The following HS3ST4 variants were observed in gnomAD, a reference collection of about 807,000 sequenced individuals.
HS3ST4 encodes heparan sulfate-glucosamine 3-sulfotransferase 4.
HS3ST4 carries 17 observed loss-of-function variants against 29.2 expected under a neutral mutation model. The observed-to-expected ratio is 0.58, with a 90% CI of 0.40 to 0.87. The LOEUF (loss-of-function observed/expected upper bound fraction) is 0.87. HS3ST4 is among the 40% of genes least tolerant of loss of function. The pLI is 0.00. For missense variants in HS3ST4, 627 were observed against 634.5 expected (o/e 0.99, Z 0.13); for synonymous variants, 314 against 285.7 (o/e 1.10, Z -1.00).
chr16:25,737,642 A>G (rs947107915), intron 1 of HS3ST4, among the ~76,000 whole-genome samples: 1 of 152,202 alleles, frequency 6.6e-6, no homozygotes, highest in African/African-American at 2.4e-5. Flanking sequence ...TACAATGTAC[A>G]TTACTTGAGT....
At chr16:26,019,965 A>AGTGATTT (rs1416773990) in intron 1 of HS3ST4, among the ~76,000 whole-genome samples, 1 of 152,144 alleles carries the variant, frequency 6.6e-6, no homozygotes, top group Non-Finnish European at 1.5e-5. Context: ...CTCTCCAGCG[A>AGTGATTT]GTGATTTAAT....
chr16:26,073,117 C>A (rs1898619810), intron 1 of HS3ST4, among the ~76,000 whole-genome samples: 1 of 152,138 alleles, frequency 6.6e-6, no homozygotes, highest in African/African-American at 2.4e-5. Flanking sequence ...TTTTCAGTTT[C>A]TTTAATCAAC....
rs1318586443 is a variant in HS3ST4 at position 26,135,845 on chromosome 16, T to C, written c.968T>C (p.Leu323Pro). 1 of 1,613,906 alleles carries C rather than the reference T, an allele frequency of 6.2e-7. No individual in the cohort carries two copies. The highest frequency in any genetic ancestry group is 2.2e-5 in the East Asian group (1 of 44,882). Reference protein sequence around the residue: ...VLAFKNRTLGLIDASWSAIRI... With the variant: ...VLAFKNRTLGPIDASWSAIRI... ...GCCTTCAAAAACCGGACCCTCGGGC[T>C]GATCGATGCTTCCTGGAGTGCCATT... is the stretch of plus-strand genomic sequence containing the variant. Residue 323 changes from leucine (L) to proline (P), a missense_variant, in exon 2 of 2, where the codon CTG becomes CCG. Leu to Pro is a moderately conservative substitution (Grantham distance 98, BLOSUM62 -3). Around this residue, in one of 2 missense-constraint regions of HS3ST4, gnomAD observed 225 missense variants for 293.7 expected, o/e 0.77. Coordinates refer to ENST00000331351, the MANE Select transcript of HS3ST4 (RefSeq NM_006040.3).
At chr16:26,042,604 C>T (rs979405135) in intron 1 of HS3ST4, among the ~76,000 whole-genome samples, 40 of 152,226 alleles carry the variant, frequency 2.6e-4, no homozygotes, top group Non-Finnish European at 4.9e-4. Context: ...AATTTACTTA[C>T]TGTTTTCCTC....
chr16:26,024,726 C>T (rs1969450446), intron 1 of HS3ST4, among the ~76,000 whole-genome samples: 1 of 152,060 alleles, frequency 6.6e-6, no homozygotes, highest in Non-Finnish European at 1.5e-5. Flanking sequence ...AAGCAAGACT[C>T]CATCTCAAAA....
Position 25,927,081 on chromosome 16 carries a change from A to G in HS3ST4, c.735-208531A>G, listed in dbSNP as rs142001344. ...CCGTCTAAAAGAAAAAAAAAAGAAT[A>G]CTTTAAGGTCTTTGACTAACTTAGT... On this transcript the variant is annotated intron_variant, in intron 1 of 1. Coordinates refer to ENST00000331351, the MANE Select transcript of HS3ST4 (RefSeq NM_006040.3). Among the ~76,000 whole-genome samples the G allele has an allele frequency of 4.4e-3, 672 of 152,126 alleles. 10 individuals carry two copies. The highest frequency in any genetic ancestry group is 0.016 in the African/African-American group (657 of 41,462).
chr16:25,901,056 G>A (rs895374463), intron 1 of HS3ST4, among the ~76,000 whole-genome samples: 4 of 152,146 alleles, frequency 2.6e-5, no homozygotes, highest in Non-Finnish European at 4.4e-5. Flanking sequence ...AATGACCTGT[G>A]TGGTATTAGG....
chr16:26,066,703 G>T (rs1211362159), intron 1 of HS3ST4, among the ~76,000 whole-genome samples: 8 of 152,214 alleles, frequency 5.3e-5, no homozygotes, highest in Non-Finnish European at 5.9e-5. Context: ...GTGCAGAAGA[G>T]CAGGTAGAAT....
chr16:25,767,665 A>G (rs1966828865), intron 1 of HS3ST4, among the ~76,000 whole-genome samples: 2 of 152,144 alleles, frequency 1.3e-5, no homozygotes, highest in Non-Finnish European at 2.9e-5. Context: ...TCTCTGGATT[A>G]TGGCAGTTTC....
intron 1 of HS3ST4, among the ~76,000 whole-genome samples, chr16:25,959,646 C>T (rs907083496): frequency 6.6e-6 from 1 of 152,136 alleles, no homozygotes. Context: ...ACACAGAAAG[C>T]GTACATCTCT....
chr16:25,978,609 A>G (rs1968968968), intron 1 of HS3ST4, among the ~76,000 whole-genome samples: 1 of 152,248 alleles, frequency 6.6e-6, no homozygotes, highest in Non-Finnish European at 1.5e-5. Flanking sequence ...TTGGCCAAGT[A>G]GGTGATCTGG....
intron 1 of HS3ST4, among the ~76,000 whole-genome samples, chr16:26,014,362 G>T (rs2141742345): frequency 1.3e-5 from 2 of 152,194 alleles, no homozygotes; most frequent in Middle Eastern, 6.8e-3. Context: ...TTTTATTTTA[G>T]GTTCAAGGTA....
At chr16:25,938,908 A>G (rs1050145969) in intron 1 of HS3ST4, among the ~76,000 whole-genome samples, 1 of 152,180 alleles carries the variant, frequency 6.6e-6, no homozygotes, top group African/African-American at 2.4e-5. Context: ...CTGTTGGCTT[A>G]TACCCCCTTT....
At chr16:26,098,390 A>G (rs1193760096) in intron 1 of HS3ST4, among the ~76,000 whole-genome samples, 1 of 152,192 alleles carries the variant, frequency 6.6e-6, no homozygotes, top group Admixed American at 6.5e-5. Context: ...TGCACCATGG[A>G]ATACTATGCA....
chr16:25,956,627 A>T (rs1421207769), intron 1 of HS3ST4, among the ~76,000 whole-genome samples: 1 of 152,228 alleles, frequency 6.6e-6, no homozygotes, highest in Non-Finnish European at 1.5e-5. Flanking sequence ...GTTACAAATC[A>T]TAACTTATGC....
intron 1 of HS3ST4, among the ~76,000 whole-genome samples, chr16:25,868,761 T>A (rs1006448110): frequency 6.6e-6 from 1 of 152,168 alleles, no homozygotes; most frequent in Non-Finnish European, 1.5e-5. Flanking sequence ...TAACCTGTAG[T>A]CATTGCTGAA....
At chr16:25,804,120 T>C (rs984113768) in intron 1 of HS3ST4, among the ~76,000 whole-genome samples, 5 of 152,194 alleles carry the variant, frequency 3.3e-5, no homozygotes, top group Non-Finnish European at 5.9e-5. Context: ...TAAAATGATA[T>C]CTTCCTCATA....
intron 1 of HS3ST4, among the ~76,000 whole-genome samples, chr16:26,093,564 C>T (rs1230643434): frequency 6.6e-6 from 1 of 152,124 alleles, no homozygotes; most frequent in African/African-American, 2.4e-5. Context: ...GGAATAGCAT[C>T]AACATCAACA....
intron 1 of HS3ST4, among the ~76,000 whole-genome samples, chr16:25,767,725 C>T (rs572335198): frequency 2.0e-5 from 3 of 152,232 alleles, no homozygotes; most frequent in African/African-American, 7.2e-5. Context: ...TGCTCGAGTA[C>T]TCAGCCATGT....
Sources: gnomAD v4.1 joint callset for allele counts (sites outside exome capture counted in the v4.1 genomes callset) on GRCh38, gnomAD v4.1.1 for gene constraint, gnomAD v4.1.1 regional missense constraint, MANE v1.5 for transcripts, NCBI Gene and HGNC (gene_info 2026-07-23, HGNC 2026-07-21) for gene names.